Variants in APP observed in about 807,000 individuals in gnomAD.
The protein encoded by APP is amyloid-beta precursor protein.
A neutral mutation model predicts 101.4 loss-of-function variants in APP; 31 were observed. That is an observed-to-expected ratio of 0.31 (90% CI 0.23 to 0.41). The LOEUF (loss-of-function observed/expected upper bound fraction) is 0.41, where lower values mean the gene tolerates loss of function less well. APP is among the 10% of genes least tolerant of loss of function. APP has a pLI of 1.00. For synonymous variants in APP, 366 were observed against 364.4 expected, an observed-to-expected ratio of 1.00 and a Z score of -0.05; for missense variants, 839 against 1,003.7, an observed-to-expected ratio of 0.84 and a Z score of 2.22.
chr21:26,169,188 T>A (rs139326696), intron 1 of APP: 304 of 152,204 alleles, frequency 2.0e-3, no homozygotes, highest in Non-Finnish European at 3.5e-3. Context: ...TGTTCGAGAG[T>A]TGGATGAATG....
intron 5 of APP, among the ~76,000 whole-genome samples, chr21:26,038,922 T>C (rs886672035): frequency 6.6e-6 from 1 of 152,198 alleles, no homozygotes; most frequent in East Asian, 1.9e-4. Context: ...ATTGCAATTT[T>C]CCCCATGTTT....
intron 1 of APP, among the ~76,000 whole-genome samples, chr21:26,145,730 T>A (rs1305771477): frequency 6.6e-6 from 1 of 152,224 alleles, no homozygotes; most frequent in East Asian, 1.9e-4. Context: ...CAGATTCACT[T>A]GAATCTGCTA....
intron 13 of APP, chr21:25,945,581 A>G (rs2040780528): frequency 5.0e-6 from 1 of 200,768 alleles, no homozygotes; most frequent in African/African-American, 2.4e-5. Flanking sequence ...GTACTACAGT[A>G]AGCACAGGCA....
chr21:26,136,169 AAAAG>A (rs138676290), intron 1 of APP, among the ~76,000 whole-genome samples: 36,318 of 92,270 alleles, frequency 0.39, 8,697 homozygotes, highest in East Asian at 0.55. Context: ...GAAAAGAAAG[AAAAG>A]AAAGAAAGAA....
chr21:25,953,619 C>T (rs1424196791), intron 13 of APP, among the ~76,000 whole-genome samples: 2 of 152,180 alleles, frequency 1.3e-5, no homozygotes, highest in South Asian at 2.1e-4. Flanking sequence ...AGACTACACA[C>T]TAAATCTCCA....
chr21:26,020,757 A>C (rs1011402270), intron 6 of APP, among the ~76,000 whole-genome samples: 1 of 152,100 alleles, frequency 6.6e-6, no homozygotes, highest in Non-Finnish European at 1.5e-5. Flanking sequence ...ACAAATGCAT[A>C]CTCTTTAAGG....
intron 1 of APP, among the ~76,000 whole-genome samples, chr21:26,164,523 G>A (rs1601605552): frequency 6.6e-6 from 1 of 152,150 alleles, no homozygotes; most frequent in Admixed American, 6.5e-5. Flanking sequence ...CCAACTAATA[G>A]TTAATAATCA....
chr21:25,945,063 A>C (rs1455719698), intron 13 of APP, among the ~76,000 whole-genome samples: 2 of 152,354 alleles, frequency 1.3e-5, no homozygotes, highest in South Asian at 2.1e-4. Flanking sequence ...CATTTGGTTG[A>C]GGTGCCCACA....
intron 16 of APP, among the ~76,000 whole-genome samples, chr21:25,892,876 C>T (rs979227505): frequency 5.9e-5 from 9 of 151,946 alleles, no homozygotes; most frequent in Admixed American, 3.3e-4. Context: ...AATATTACCA[C>T]GTTTGCTCTG....
chr21:25,988,043 G>C (rs1247859809), intron 8 of APP, among the ~76,000 whole-genome samples: 1 of 152,136 alleles, frequency 6.6e-6, no homozygotes, highest in Non-Finnish European at 1.5e-5. Flanking sequence ...GGGGAGAGGG[G>C]AAAGGTAGAC....
At chr21:26,156,408 T>A (rs895770964) in intron 1 of APP, among the ~76,000 whole-genome samples, 1 of 152,238 alleles carries the variant, frequency 6.6e-6, no homozygotes, top group African/African-American at 2.4e-5. Context: ...CAATAAAATA[T>A]TAATAAGATT....
chr21:25,883,657 C>T (rs1279831283), intron 17 of APP, among the ~76,000 whole-genome samples: 1 of 152,212 alleles, frequency 6.6e-6, no homozygotes, highest in Non-Finnish European at 1.5e-5. Context: ...CGTGCCACTG[C>T]ACTCCGGCCT....
chr21:25,982,138 A>G (rs751206581), intron 9 of APP, among the ~76,000 whole-genome samples: 1 of 152,198 alleles, frequency 6.6e-6, no homozygotes, highest in Non-Finnish European at 1.5e-5. Context: ...TACAAAATCC[A>G]ACTATACCTG....
In APP at chr21:26,162,144, T is replaced by C. The variant is rs570632196; in HGVS notation, c.57+8420A>G. The stretch of plus-strand genomic sequence containing the variant: ...GAGTTCAAGATCAGCCTGGGCAACA[T>C]AGTGGGGACCCCATCTCTACAAAAC... On this transcript the variant is annotated intron_variant, in intron 1 of 17. Transcript: ENST00000346798. 5.9e-5 allele frequency among the ~76,000 whole-genome samples: 9 copies of C among 152,256 alleles called. No individual in the cohort carries two copies. In the South Asian group the frequency reaches 1.2e-3, roughly 21 times the overall value.
intron 17 of APP, among the ~76,000 whole-genome samples, chr21:25,886,377 A>G (rs571115717): frequency 1.3e-5 from 2 of 151,362 alleles, no homozygotes; most frequent in Non-Finnish European, 3.0e-5. Flanking sequence ...AGGTTCAGGA[A>G]CTCCTTTGCT....
intron 6 of APP, among the ~76,000 whole-genome samples, chr21:26,015,056 C>T (rs938500648): frequency 6.6e-6 from 1 of 151,982 alleles, no homozygotes; most frequent in Non-Finnish European, 1.5e-5. Flanking sequence ...TATATTCACA[C>T]AAAAAAAATT....
chr21:25,888,333 G>A (rs1471980267), intron 17 of APP, among the ~76,000 whole-genome samples: 4 of 152,142 alleles, frequency 2.6e-5, no homozygotes, highest in South Asian at 4.1e-4. Flanking sequence ...AAAGCCCACC[G>A]TGCTCTCTCA....
intron 1 of APP, among the ~76,000 whole-genome samples, chr21:26,157,567 C>T (rs992358488): frequency 6.6e-6 from 1 of 152,152 alleles, no homozygotes; most frequent in Non-Finnish European, 1.5e-5. Context: ...ACTACAAAAC[C>T]TCCAAATACT....
intron 17 of APP, among the ~76,000 whole-genome samples, chr21:25,890,190 G>A (rs2037598752): frequency 6.6e-6 from 1 of 152,072 alleles, no homozygotes; most frequent in South Asian, 2.1e-4. Flanking sequence ...TGTTCTCTTG[G>A]TTTCCTTCCT....
Sources: gnomAD v4.1 joint callset for allele counts (sites outside exome capture counted in the v4.1 genomes callset) on GRCh38, gnomAD v4.1.1 for gene constraint, MANE v1.5 for transcripts, NCBI Gene and HGNC (gene_info 2026-07-23, HGNC 2026-07-21) for gene names.